Variants in ADAMTS2 observed in about 807,000 individuals in gnomAD.
ADAMTS2 encodes the protein ADAM metallopeptidase with thrombospondin type 1 motif 2, also known as A disintegrin and metalloproteinase with thrombospondin motifs 2.
In ADAMTS2, 50 loss-of-function variants were observed where a neutral mutation model predicts 123.0. That is an observed-to-expected ratio of 0.41 (90% confidence interval 0.32 to 0.51). The LOEUF (loss-of-function observed/expected upper bound fraction) is 0.51, where lower values mean the gene tolerates loss of function less well. Among genes scored for constraint, ADAMTS2 ranks in the 20% least tolerant of loss-of-function variants. ADAMTS2 has a pLI of 0.35. For synonymous variants in ADAMTS2, 678 were observed against 695.4 expected (o/e 0.98, Z 0.39); for missense variants, 1,494 against 1,705.2 (o/e 0.88, Z 2.18).
intron 2 of ADAMTS2, among the ~76,000 whole-genome samples, chr5:179,315,966 T>C (rs547189999): frequency 4.3e-4 from 66 of 152,250 alleles, no homozygotes; most frequent in African/African-American, 1.5e-3. Context: ...CAAAATTACA[T>C]GAAAGATTCC....
chr5:179,114,535 C>T (rs1488006436), intron 21 of ADAMTS2, among the ~76,000 whole-genome samples: 1 of 152,200 alleles, frequency 6.6e-6, no homozygotes, highest in East Asian at 1.9e-4. Flanking sequence ...AGTGCTGACA[C>T]ACAAGCTGTG....
rs139788309 is a variant in ADAMTS2 at position 179,154,091 on chromosome 5, T to C, written c.1340A>G (p.His447Arg). Residue 447 changes from histidine (H) to arginine (R), a missense_variant, in exon 8 of 22, where the codon CAC (histidine) becomes CGC (arginine). By Grantham distance (29) the His-to-Arg change is conservative. Around this residue, in one of 6 missense-constraint regions of ADAMTS2, gnomAD observed 953 missense variants for 1,124.7 expected, o/e 0.85. Coordinates refer to ENST00000251582, the MANE Select transcript of ADAMTS2 (RefSeq NM_014244.5). The part of the protein sequence containing the change: ...PLVQAAFHRF[H>R]WSRCSQQELS... ...CTCCTGCTGGCTGCAGCGGGACCAG[T>C]GGAAGCGGTGGAAGGCGGCCTGCAC... 124 of 1,603,404 alleles carry C rather than the reference T, an allele frequency of 7.7e-5. No homozygotes were observed. In the African/African-American group the frequency reaches 1.5e-3, roughly 20 times the overall value.
intron 4 of ADAMTS2, among the ~76,000 whole-genome samples, chr5:179,190,725 C>T (rs535693946): frequency 6.6e-6 from 1 of 152,352 alleles, no homozygotes; most frequent in African/African-American, 2.4e-5. Flanking sequence ...GCACCTAGTA[C>T]AGGCTGAATG....
At chr5:179,309,929 C>CCACTG (rs1380494704) in intron 2 of ADAMTS2, among the ~76,000 whole-genome samples, 2 of 152,204 alleles carry the variant, frequency 1.3e-5, no homozygotes, top group Admixed American at 1.3e-4. Flanking sequence ...CAGCAGGCCC[C>CCACTG]CACTGCATGT....
Position 179,125,077 on chromosome 5 carries a change from G to C in ADAMTS2, c.2854C>G (p.Arg952Gly). ...CIQPLHDNTT[R>G]SVHAKHCNDA... is the part of the protein sequence containing the mutation. Reference sequence around the variant, plus strand: ...TTGCAGTGCTTGGCGTGCACGGAGCGGGTGGTGTTGTCGTGTAGCGGCTGA... The same window carrying C: ...TTGCAGTGCTTGGCGTGCACGGAGCCGGTGGTGTTGTCGTGTAGCGGCTGA... Residue 952 changes from arginine (R) to glycine (G), a missense_variant, in exon 19 of 22, where the codon CGC becomes GGC. Coordinates refer to ENST00000251582, the MANE Select transcript of ADAMTS2 (RefSeq NM_014244.5). The C allele has an allele frequency of 6.2e-7, 1 of 1,611,252 alleles. No homozygotes were observed. Among genetic ancestry groups the C allele is most frequent in the Non-Finnish European group, 8.5e-7 (1 of 1,179,560 alleles).
At chr5:179,257,768 C>T (rs1468343299) in intron 3 of ADAMTS2, among the ~76,000 whole-genome samples, 2 of 152,184 alleles carry the variant, frequency 1.3e-5, no homozygotes, top group Non-Finnish European at 2.9e-5. Flanking sequence ...TCCTGAGCGC[C>T]GTGGGCTCCA....
intron 2 of ADAMTS2, among the ~76,000 whole-genome samples, chr5:179,283,942 GATGATTATTATTATTATT>G (rs1230675079): frequency 2.3e-4 from 32 of 138,316 alleles, no homozygotes; most frequent in African/African-American, 7.2e-4. Flanking sequence ...TAAATGGTCA[GATGATTATTATTATTATT>G]ATTATTATTA....
chr5:179,158,133 T>C lies in ADAMTS2; in HGVS notation c.1132+590A>G, dbSNP rs897253861. On this transcript the variant is annotated intron_variant, in intron 6 of 21. Transcript: ENST00000251582. The surrounding 1 kb of genome is among the most constrained non-coding windows in gnomAD (Gnocchi z 5.0). Reference sequence around the variant, plus strand: ...GCGCCCGCCACCATGCCCTGCTAATTTTTTTGTATTTTTATTAGAGACGGG... The same window carrying C: ...GCGCCCGCCACCATGCCCTGCTAATCTTTTTGTATTTTTATTAGAGACGGG... 2.0e-5 allele frequency among the ~76,000 whole-genome samples: 3 copies of C among 151,920 alleles called. No homozygotes were observed. The highest frequency in any genetic ancestry group is 1.3e-4 in the Admixed American group (2 of 15,244).
intron 6 of ADAMTS2, among the ~76,000 whole-genome samples, chr5:179,157,988 A>G (rs4701064): frequency 0.19 from 29,107 of 151,402 alleles, 3,592 homozygotes; most frequent in African/African-American, 0.35. Context: ...TTTTTGAGAC[A>G]GAGTCTCGCA....
rs2113160134 is a variant in ADAMTS2, at chr5:179,113,578, C to T, written c.*289G>A. 4.4e-6 allele frequency: 2 copies of T among 458,288 alleles called. No individual in the cohort carries two copies. Among genetic ancestry groups the T allele is most frequent in the Non-Finnish European group, 8.0e-6 (2 of 251,094 alleles). The allele number at this position is 458,288 out of a possible 1,614,324, so 28.4% of individuals were successfully genotyped here. A position where few individuals can be genotyped will look rare whatever the true frequency, so the allele number is the denominator to read the frequency against. ...CTATTTTTGTTCTCTCAGAGTGATC[C>T]CTCTTGCCCTGCCCTCACTGAGGGA... On this transcript the variant is annotated 3_prime_UTR_variant, in exon 22 of 22. Transcript: ENST00000251582.
intron 5 of ADAMTS2, among the ~76,000 whole-genome samples, chr5:179,179,185 G>A (rs983810664): frequency 6.6e-6 from 1 of 151,628 alleles, no homozygotes; most frequent in Non-Finnish European, 1.5e-5. Context: ...GACCTCAAGT[G>A]ATCTACCCAC....
At position 179,121,702 on chromosome 5, in the gene ADAMTS2, G is replaced by A; in HGVS notation, c.3137C>T (p.Ser1046Phe). Reference protein sequence around the residue: ...SKKSYVVQWLSRPDPDSPIRK... With the variant: ...SKKSYVVQWLFRPDPDSPIRK... ...GATGGGCGAGTCGGGGTCCGGGCGG[G>A]ACAGCCACTGAACTACGTAGCTCTT... Residue 1046 changes from serine to phenylalanine, a missense_variant, in exon 21 of 22, where the codon TCC becomes TTC. Coordinates refer to ENST00000251582, the MANE Select transcript of ADAMTS2 (RefSeq NM_014244.5). 1 of 1,597,026 alleles carries A rather than the reference G, an allele frequency of 6.3e-7. No individual in the cohort carries two copies. The highest frequency in any genetic ancestry group is 1.1e-5 in the South Asian group (1 of 87,644).
At position 179,143,906 on chromosome 5, in the gene ADAMTS2, A is replaced by G. The variant is rs186489325; in HGVS notation, c.1630-3871T>C. On this transcript the variant is annotated intron_variant, in intron 10 of 21. Coordinates refer to ENST00000251582, the MANE Select transcript of ADAMTS2 (RefSeq NM_014244.5). Reference sequence around the variant, plus strand: ...ATAAAAGAAGGTACTTTTTACACATATATTCCAATCAGAGTCTGTCATTTC... The same window carrying G: ...ATAAAAGAAGGTACTTTTTACACATGTATTCCAATCAGAGTCTGTCATTTC... Among the ~76,000 whole-genome samples, 119 of 152,328 alleles carry G rather than the reference A, an allele frequency of 7.8e-4. 1 individual carries two copies. The highest frequency in any genetic ancestry group is 1.1e-3 in the Non-Finnish European group (77 of 68,034).
intron 21 of ADAMTS2, chr5:179,120,710 G>A (rs1762742309): frequency 6.6e-6 from 1 of 152,142 alleles, no homozygotes; most frequent in African/African-American, 2.4e-5. Flanking sequence ...CTGGCCAGTG[G>A]GGCATCAGGG....
At chr5:179,219,493 G>GC (rs1377221830) in intron 3 of ADAMTS2, among the ~76,000 whole-genome samples, 1 of 152,214 alleles carries the variant, frequency 6.6e-6, no homozygotes, top group Non-Finnish European at 1.5e-5. Context: ...ACTCTCTTCT[G>GC]CCCTGTGCCT....
intron 2 of ADAMTS2, among the ~76,000 whole-genome samples, chr5:179,289,154 G>A (rs1402136380): frequency 1.3e-5 from 2 of 152,110 alleles, no homozygotes; most frequent in African/African-American, 4.8e-5. Flanking sequence ...TCCCTGCTCA[G>A]AGACGGCCTG....
At chr5:179,244,013 T>C (rs11743204) in intron 3 of ADAMTS2, among the ~76,000 whole-genome samples, 57,792 of 151,748 alleles carry the variant, frequency 0.38, 11,579 homozygotes, top group African/African-American at 0.49. Context: ...TAAACGGAAC[T>C]TAAGAAAAAT....
Position 179,285,294 on chromosome 5 carries a change from G to A in ADAMTS2, c.535-12230C>T, listed in dbSNP as rs971636242. Among the ~76,000 whole-genome samples the A allele has an allele frequency of 6.6e-6, 1 of 152,226 alleles. No individual in the cohort carries two copies. The highest frequency in any genetic ancestry group is 1.5e-5 in the Non-Finnish European group (1 of 68,034). On this transcript the variant is annotated intron_variant, in intron 2 of 21. Coordinates refer to ENST00000251582, the MANE Select transcript of ADAMTS2 (RefSeq NM_014244.5). The surrounding 1 kb of genome is among the most constrained non-coding windows in gnomAD (Gnocchi z 4.9). ...CATGTGAAGACAGGAGAGACGGAAA[G>A]GGGGAGAGCACAGAGAGAAAGATAA...
chr5:179,342,234 C>A (rs1455064868), intron 2 of ADAMTS2, among the ~76,000 whole-genome samples: 3 of 152,206 alleles, frequency 2.0e-5, no homozygotes, highest in African/African-American at 7.2e-5. Context: ...GTTGGCCCAC[C>A]AACAGACTGC....
Sources: allele counts gnomAD v4.1 joint callset (sites outside exome capture counted in the v4.1 genomes callset), GRCh38; gene constraint gnomAD v4.1.1; regional missense constraint gnomAD v4.1.1; non-coding constraint Gnocchi (gnomAD v3.1); transcripts MANE v1.5; gene names NCBI Gene and HGNC (gene_info 2026-07-23, HGNC 2026-07-21).